Variants in XPR1 observed in about 807,000 individuals in gnomAD.
XPR1 encodes xenotropic and polytropic retrovirus receptor 1, also known as solute carrier family 53 member 1.
A neutral mutation model predicts 87.5 loss-of-function variants in XPR1; 28 were observed. The ratio of observed to expected loss-of-function variants is 0.32; its 90% confidence interval spans 0.24 to 0.44. The LOEUF is 0.44. Ranked by LOEUF, XPR1 falls within the 20% of genes least tolerant of loss-of-function variation. The probability of loss-of-function intolerance (pLI) is 1.00; values close to 1 mark genes in which losing one functional copy is unlikely to be tolerated. For synonymous variants in XPR1, 300 were observed against 306.1 expected (o/e 0.98, Z 0.21); for missense variants, 559 against 862.3 (o/e 0.65, Z 4.41).
chr1:180,853,526 T>C (rs1020409963), intron 11 of XPR1, among the ~76,000 whole-genome samples: 4 of 152,124 alleles, frequency 2.6e-5, no homozygotes, highest in African/African-American at 9.7e-5. Flanking sequence ...CATCTTTGAT[T>C]GTCTTTTCAT....
intron 1 of XPR1, among the ~76,000 whole-genome samples, chr1:180,672,020 T>C (rs1012057264): frequency 1.3e-5 from 2 of 152,194 alleles, no homozygotes; most frequent in African/African-American, 4.8e-5. Flanking sequence ...ATTTTGAACA[T>C]TCTGAGTTTG....
intron 7 of XPR1, among the ~76,000 whole-genome samples, chr1:180,823,397 A>T (rs759528954): frequency 5.9e-5 from 9 of 152,226 alleles, no homozygotes; most frequent in Non-Finnish European, 8.8e-5. Flanking sequence ...ATTTATGAAC[A>T]GGTAAGGATC....
chr1:180,780,107 A>G (rs1648879793), intron 2 of XPR1, among the ~76,000 whole-genome samples: 1 of 152,196 alleles, frequency 6.6e-6, no homozygotes, highest in Admixed American at 6.5e-5. Context: ...ATTATAAATA[A>G]TGCTGCTCTG....
intron 2 of XPR1, among the ~76,000 whole-genome samples, chr1:180,775,804 GA>G (rs142083374): frequency 9.3e-5 from 14 of 150,902 alleles, no homozygotes; most frequent in East Asian, 5.8e-4. Flanking sequence ...AAGAGTGCTG[GA>G]AAAAAAAATC....
chr1:180,809,673 T>C (rs1650139608), intron 6 of XPR1, among the ~76,000 whole-genome samples: 1 of 152,058 alleles, frequency 6.6e-6, no homozygotes, highest in Non-Finnish European at 1.5e-5. Context: ...TTATCTCTGG[T>C]GCGGAGGGAA....
intron 2 of XPR1, among the ~76,000 whole-genome samples, chr1:180,705,262 C>T (rs1157169782): frequency 1.3e-5 from 2 of 152,082 alleles, no homozygotes; most frequent in Non-Finnish European, 2.9e-5. Flanking sequence ...AAACAGAGTG[C>T]CAATTCGTGT....
In XPR1 at chr1:180,762,800, A is replaced by G. The variant is rs557307051; in HGVS notation, c.122-24953A>G. Among the ~76,000 whole-genome samples, 18 of 152,342 alleles carry G rather than the reference A, an allele frequency of 1.2e-4. No homozygotes were observed. In the South Asian group the frequency reaches 3.7e-3, roughly 32 times the overall value. On this transcript the variant is annotated intron_variant, in intron 2 of 14. Coordinates refer to ENST00000367590, the MANE Select transcript of XPR1 (RefSeq NM_004736.4). ...GTTCCTATAGGAATTAAGGATGCCT[A>G]TGACAGAGTAACTCTACTGGGATGT...
At chr1:180,634,833 TTTAA>T (rs578013710) in intron 1 of XPR1, among the ~76,000 whole-genome samples, 4 of 151,804 alleles carry the variant, frequency 2.6e-5, no homozygotes, top group Middle Eastern at 3.4e-3. Context: ...TGTAATTATA[TTTAA>T]TTATATATAA....
intron 1 of XPR1, among the ~76,000 whole-genome samples, chr1:180,636,441 A>G (rs1328707688): frequency 2.0e-5 from 3 of 152,242 alleles, no homozygotes; most frequent in Non-Finnish European, 2.9e-5. Context: ...TTGTAAAGAC[A>G]GGAAGCTATA....
chr1:180,806,066 T>G lies in XPR1; in HGVS notation c.452T>G (p.Leu151Arg). ...GTTTCTCATTTCTTTCTGTAGAATCTGAATTTTACAGGGTTTCGAAAAATC... is the reference window on the plus strand; with the variant it reads ...GTTTCTCATTTCTTTCTGTAGAATCGGAATTTTACAGGGTTTCGAAAAATC... Reference protein sequence around the residue: ...SLILLQNYQNLNFTGFRKILK... With the variant: ...SLILLQNYQNRNFTGFRKILK... The change falls in exon 5 of 15, where the codon CTG (leucine) becomes CGG (arginine). Residue 151 changes from leucine (L) to arginine (R), a missense_variant. Coordinates refer to ENST00000367590, the MANE Select transcript of XPR1 (RefSeq NM_004736.4). The G allele has an allele frequency of 6.2e-7, 1 of 1,612,060 alleles. No individual in the cohort carries two copies. The highest frequency in any genetic ancestry group is 8.5e-7 in the Non-Finnish European group (1 of 1,179,120).
At chr1:180,769,795 C>T (rs959361444) in intron 2 of XPR1, among the ~76,000 whole-genome samples, 5 of 152,124 alleles carry the variant, frequency 3.3e-5, no homozygotes, top group African/African-American at 4.8e-5. Flanking sequence ...GTATACCCAG[C>T]AGTGGGATTG....
At chr1:180,649,467 G>A (rs1327736513) in intron 1 of XPR1, among the ~76,000 whole-genome samples, 2 of 151,944 alleles carry the variant, frequency 1.3e-5, no homozygotes, top group Admixed American at 6.6e-5. Context: ...AATTAAAGAT[G>A]CGTAACTAAA....
intron 1 of XPR1, among the ~76,000 whole-genome samples, chr1:180,681,367 C>T (rs922584770): frequency 2.0e-5 from 3 of 152,110 alleles, no homozygotes; most frequent in African/African-American, 4.8e-5. Context: ...AATTTCTGGC[C>T]GGGTGCAGTG....
chr1:180,835,065 C>T lies in XPR1; in HGVS notation c.1306+20C>T. Reference sequence around the variant, plus strand: ...CAGAAGGTAGGGTATGAATTTGCATCTATACTACTAAATCGCTGGTGTAAA... The same window carrying T: ...CAGAAGGTAGGGTATGAATTTGCATTTATACTACTAAATCGCTGGTGTAAA... On this transcript the variant is annotated intron_variant, in intron 10 of 14. Transcript: ENST00000367590. 1 of 1,610,062 alleles carries T rather than the reference C, an allele frequency of 6.2e-7. No homozygotes were observed. The highest frequency in any genetic ancestry group is 8.5e-7 in the Non-Finnish European group (1 of 1,177,712).
intron 2 of XPR1, among the ~76,000 whole-genome samples, chr1:180,709,901 T>C (rs1412227927): frequency 6.8e-6 from 1 of 147,786 alleles, no homozygotes; most frequent in African/African-American, 2.6e-5. Flanking sequence ...TTTTTTTTTT[T>C]TAATTTTTTT....
chr1:180,640,000 G>A (rs1471073299), intron 1 of XPR1, among the ~76,000 whole-genome samples: 1 of 152,170 alleles, frequency 6.6e-6, no homozygotes, highest in African/African-American at 2.4e-5. Context: ...TTGTCATTAA[G>A]GAGAAAGGAA....
intron 1 of XPR1, among the ~76,000 whole-genome samples, chr1:180,660,667 T>C (rs533603929): frequency 1.1e-4 from 16 of 152,352 alleles, no homozygotes; most frequent in African/African-American, 3.8e-4. Flanking sequence ...AAAATTTCTC[T>C]TGTTATTGAT....
rs1419903489 is a variant in XPR1, at chr1:180,884,910, A to G, written c.*844A>G. The G allele has an allele frequency of 6.6e-6, 1 of 152,336 alleles. No homozygotes were observed. Among genetic ancestry groups the G allele is most frequent in the Non-Finnish European group, 1.5e-5 (1 of 68,052 alleles). The allele number at this position is 152,336 out of a possible 1,614,324, so 9.4% of individuals were successfully genotyped here. A position where few individuals can be genotyped will look rare whatever the true frequency, so the allele number is the denominator to read the frequency against. On this transcript the variant is annotated 3_prime_UTR_variant, in exon 15 of 15. Coordinates refer to ENST00000367590, the MANE Select transcript of XPR1 (RefSeq NM_004736.4). ...TAACTTCTTAAGTTGCTGCTGCTTT[A>G]GAGTCCTGAGCATATCTCTCATAAC...
At position 180,783,789 on chromosome 1, in the gene XPR1, T is replaced by A. The variant is rs938363650; in HGVS notation, c.122-3964T>A. On this transcript the variant is annotated intron_variant, in intron 2 of 14. Transcript: ENST00000367590. ...TAATGGTAAGGCTGGGCGTGGTGGCTCAAACCTGTAATCCCAGCACTTTGG... is the reference window on the plus strand; with the variant it reads ...TAATGGTAAGGCTGGGCGTGGTGGCACAAACCTGTAATCCCAGCACTTTGG... 2.0e-5 allele frequency among the ~76,000 whole-genome samples: 3 copies of A among 152,018 alleles called. 1 individual carries two copies. The highest frequency in any genetic ancestry group is 4.2e-4 in the South Asian group (2 of 4,818).
Sources: gnomAD v4.1 joint callset for allele counts (sites outside exome capture counted in the v4.1 genomes callset) on GRCh38, gnomAD v4.1.1 for gene constraint, MANE v1.5 for transcripts, NCBI Gene and HGNC (gene_info 2026-07-23, HGNC 2026-07-21) for gene names.